Variants in TRAF3IP1 observed in about 807,000 individuals in gnomAD.
TRAF3IP1 encodes the protein TRAF3-interacting protein 1.
A neutral mutation model predicts 89.9 loss-of-function variants in TRAF3IP1; 53 were observed. The observed-to-expected ratio is 0.59, with a 90% CI of 0.47 to 0.74. The LOEUF (loss-of-function observed/expected upper bound fraction) is 0.74, where lower values mean the gene tolerates loss of function less well. Ranked by LOEUF, TRAF3IP1 falls within the 30% of genes least tolerant of loss-of-function variation. TRAF3IP1 has a pLI of 0.00. For synonymous variants in TRAF3IP1, 311 were observed against 322.1 expected, an observed-to-expected ratio of 0.97 and a Z score of 0.37; for missense variants, 806 against 866.1, an observed-to-expected ratio of 0.93 and a Z score of 0.87.
chr2:238,327,380 C>T (rs1031957603), intron 3 of TRAF3IP1, among the ~76,000 whole-genome samples: 7 of 152,148 alleles, frequency 4.6e-5, no homozygotes, highest in Non-Finnish European at 8.8e-5. Flanking sequence ...CCCCAGTACA[C>T]GGTGTGTCTT....
intron 15 of TRAF3IP1, among the ~76,000 whole-genome samples, chr2:238,362,147 TGCCGG>T (rs1699689118): frequency 1.3e-5 from 2 of 152,210 alleles, no homozygotes; most frequent in Non-Finnish European, 2.9e-5. Context: ...GCGCCCCTCC[TGCCGG>T]GCCAGTCCCC....
intron 15 of TRAF3IP1, among the ~76,000 whole-genome samples, chr2:238,366,405 A>G (rs1473471557): frequency 3.9e-5 from 6 of 152,190 alleles, no homozygotes. Context: ...TAGACAAATA[A>G]AGTTCATGAT....
intron 15 of TRAF3IP1, among the ~76,000 whole-genome samples, chr2:238,372,295 G>A (rs944073863): frequency 1.1e-4 from 16 of 151,524 alleles, no homozygotes; most frequent in South Asian, 2.1e-4. Flanking sequence ...TCTGCCCCCC[G>A]ACAGGCCCCG....
intron 15 of TRAF3IP1, among the ~76,000 whole-genome samples, chr2:238,394,469 A>T (rs781432116): frequency 1.3e-5 from 2 of 151,966 alleles, no homozygotes; most frequent in Admixed American, 1.3e-4. Flanking sequence ...TTTCATCTGC[A>T]TTGTTTCGTT....
At chr2:238,369,739 C>T (rs1051593873) in intron 15 of TRAF3IP1, among the ~76,000 whole-genome samples, 4 of 152,194 alleles carry the variant, frequency 2.6e-5, no homozygotes, top group Non-Finnish European at 2.9e-5. Flanking sequence ...GCAGTCAAGC[C>T]GCTCCTTTTC....
intron 15 of TRAF3IP1, among the ~76,000 whole-genome samples, chr2:238,362,871 A>G (rs1201570939): frequency 6.6e-6 from 1 of 152,240 alleles, no homozygotes; most frequent in Admixed American, 6.5e-5. Flanking sequence ...CACGTCTCAC[A>G]TGTGGGCCGC....
intron 15 of TRAF3IP1, among the ~76,000 whole-genome samples, chr2:238,359,651 G>C (rs557640715): frequency 5.3e-5 from 8 of 152,234 alleles, no homozygotes; most frequent in African/African-American, 1.7e-4. Flanking sequence ...GTTGCTTCTA[G>C]TTTGGACTAT....
At position 238,329,233 on chromosome 2, in the gene TRAF3IP1, G is replaced by A. The variant is rs147751802; in HGVS notation, c.806G>A (p.Arg269His). Residue 269 changes from arginine to histidine, a missense_variant, in exon 5 of 17, where the codon CGC (arginine) becomes CAC (histidine). Physicochemically the swap from Arg to His is conservative, Grantham distance 29. Coordinates refer to ENST00000373327, the MANE Select transcript of TRAF3IP1 (RefSeq NM_015650.4). ...AGACTGAGAGACAGGGACCGAGAGC[G>A]CGACCGGGACAAAGGGAAGGACAGG... ...KERLRDRDRERDRDKGKDRDR... is the reference protein window; with the variant it reads ...KERLRDRDREHDRDKGKDRDR... 4.4e-4 allele frequency: 678 copies of A among 1,549,112 alleles called. 2 individuals carry two copies. The highest frequency in any genetic ancestry group is 4.9e-4 in the Non-Finnish European group (566 of 1,152,628).
intron 3 of TRAF3IP1, among the ~76,000 whole-genome samples, chr2:238,327,310 A>T (rs1018198302): frequency 1.3e-5 from 2 of 152,170 alleles, no homozygotes; most frequent in Admixed American, 1.3e-4. Flanking sequence ...TCCCAGGCTG[A>T]CTTAGGTGCC....
chr2:238,365,806 T>C (rs1228631246), intron 15 of TRAF3IP1, among the ~76,000 whole-genome samples: 2 of 152,184 alleles, frequency 1.3e-5, no homozygotes, highest in Admixed American at 6.5e-5. Flanking sequence ...GTTTGTTTCT[T>C]AGAGGTTTTG....
chr2:238,391,395 A>G (rs1046462132), intron 15 of TRAF3IP1, among the ~76,000 whole-genome samples: 1 of 152,258 alleles, frequency 6.6e-6, no homozygotes, highest in Non-Finnish European at 1.5e-5. Flanking sequence ...TGATATATCT[A>G]CATGAGCAAC....
At chr2:238,376,080 A>G (rs550277282) in intron 15 of TRAF3IP1, among the ~76,000 whole-genome samples, 30 of 152,358 alleles carry the variant, frequency 2.0e-4, no homozygotes, top group African/African-American at 6.3e-4. Context: ...ATTTTCAGCC[A>G]TGAGAACCAT....
intron 3 of TRAF3IP1, among the ~76,000 whole-genome samples, chr2:238,326,273 C>T (rs1677049054): frequency 6.6e-6 from 1 of 152,238 alleles, no homozygotes. Flanking sequence ...CAGGCCCAGG[C>T]TTCCATGCCC....
chr2:238,326,847 C>T (rs532508250), intron 3 of TRAF3IP1, among the ~76,000 whole-genome samples: 2 of 152,252 alleles, frequency 1.3e-5, no homozygotes, highest in East Asian at 1.9e-4. Flanking sequence ...TAGGAGGCCC[C>T]CCCAGTGCAG....
intron 9 of TRAF3IP1, among the ~76,000 whole-genome samples, chr2:238,346,734 C>T (rs1445815998): frequency 6.6e-6 from 1 of 152,200 alleles, no homozygotes; most frequent in African/African-American, 2.4e-5. Flanking sequence ...CTCCTCTCTG[C>T]CGTATAGTGT....
rs77648870 is a variant in TRAF3IP1, at chr2:238,380,276, C to T, written c.1690-17183C>T. Reference sequence around the variant, plus strand: ...CGGTGCCTTCCAGCTTCTCAGAGGGCCTCTCTGAGCCCTGCAGGAGCCACG... The same window carrying T: ...CGGTGCCTTCCAGCTTCTCAGAGGGTCTCTCTGAGCCCTGCAGGAGCCACG... On this transcript the variant is annotated intron_variant, in intron 15 of 16. Transcript: ENST00000373327. Among the ~76,000 whole-genome samples, 665 of 152,228 alleles carry T rather than the reference C, an allele frequency of 4.4e-3. 7 individuals carry two copies. Among genetic ancestry groups the T allele is most frequent in the African/African-American group, 0.015 (637 of 41,530 alleles).
intron 8 of TRAF3IP1, among the ~76,000 whole-genome samples, chr2:238,339,706 C>T (rs368737565): frequency 5.9e-4 from 90 of 152,230 alleles, no homozygotes; most frequent in Non-Finnish European, 9.6e-4. Flanking sequence ...TGAGGGTGAA[C>T]GAGGTGTCCA....
intron 9 of TRAF3IP1, chr2:238,347,150 C>T (rs915883878): frequency 1.5e-5 from 5 of 326,358 alleles, no homozygotes; most frequent in East Asian, 6.4e-5. Flanking sequence ...CTGGCTTTGT[C>T]GATTCTTGTC....
At chr2:238,359,064 A>G (rs1699548808) in intron 15 of TRAF3IP1, among the ~76,000 whole-genome samples, 1 of 152,268 alleles carries the variant, frequency 6.6e-6, no homozygotes, top group East Asian at 1.9e-4. Flanking sequence ...GCTGTATTCA[A>G]TAAAACGTAC....
Sources: allele counts gnomAD v4.1 joint callset (sites outside exome capture counted in the v4.1 genomes callset), GRCh38; gene constraint gnomAD v4.1.1; transcripts MANE v1.5; gene names NCBI Gene and HGNC (gene_info 2026-07-23, HGNC 2026-07-21).